Variants in CCDC150 observed in about 807,000 individuals in gnomAD.
CCDC150 encodes the protein coiled-coil domain containing 150.
Under a neutral mutation model 156.5 loss-of-function variants are expected in CCDC150, and 151 were observed. The observed-to-expected ratio is 0.97, with a 90% confidence interval of 0.85 to 1.10. The LOEUF (loss-of-function observed/expected upper bound fraction) is 1.10, where lower values mean the gene tolerates loss of function less well. CCDC150 is among the 50% of genes least tolerant of loss of function. The pLI, the probability that CCDC150 is intolerant of heterozygous loss-of-function variation, is 0.00. For synonymous variants in CCDC150, 452 were observed against 429.4 expected (o/e 1.05, Z -0.65); for missense variants, 1,312 against 1,268.1 (o/e 1.03, Z -0.53).
rs1171643110 is a variant in CCDC150 at position 196,721,615 on chromosome 2, C to T, written c.2353C>T (p.Leu785=). The change falls in exon 21 of 28, where the codon CTG becomes TTG. Residue 785 remains leucine, a synonymous_variant. Transcript: ENST00000389175. ...LEQALQTNNH[L]QTKLDHIQEQ... ...ACAAGCTCTCCAGACAAATAATCAT[C>T]TGCAAACAAAGCTAGATCACATTCA... is the stretch of plus-strand genomic sequence containing the variant. 6.2e-7 allele frequency: 1 copy of T among 1,607,150 alleles called. No individual in the cohort carries two copies. Among genetic ancestry groups the T allele is most frequent in the African/African-American group, 1.3e-5 (1 of 74,788 alleles).
intron 1 of CCDC150, 73 bp downstream of exon 1, chr2:196,639,851 T>A (rs1195208162): frequency 1.5e-6 from 2 of 1,327,144 alleles, no homozygotes; most frequent in African/African-American, 3.0e-5. Flanking sequence ...ATAAGGACAG[T>A]CACCACTCCC....
At chr2:196,709,921 T>C (rs1040013731) in intron 15 of CCDC150, among the ~76,000 whole-genome samples, 2 of 152,172 alleles carry the variant, frequency 1.3e-5, no homozygotes, top group African/African-American at 4.8e-5. Context: ...GAGGTGTCAG[T>C]TGGCCCCTAC....
chr2:196,692,292 G>A (rs1695535006), intron 13 of CCDC150, among the ~76,000 whole-genome samples: 2 of 150,516 alleles, frequency 1.3e-5, no homozygotes, highest in African/African-American at 2.4e-5. Flanking sequence ...CCGCCACCGC[G>A]CCCGGCTAAT....
At position 196,661,435 on chromosome 2, in the gene CCDC150, G is replaced by C. The variant is rs568924396; in HGVS notation, c.645+2575G>C. On this transcript the variant is annotated intron_variant, in intron 5 of 27. Coordinates refer to ENST00000389175, the MANE Select transcript of CCDC150 (RefSeq NM_001080539.2). Reference sequence around the variant, plus strand: ...TTTTATTTGTGTGTACCCATCCCTGGTGTCTCTGTGTGTCCAAATCTCTTC... The same window carrying C: ...TTTTATTTGTGTGTACCCATCCCTGCTGTCTCTGTGTGTCCAAATCTCTTC... Among the ~76,000 whole-genome samples the C allele has an allele frequency of 9.2e-5, 14 of 152,124 alleles. 1 individual carries two copies. The South Asian group carries it at 2.9e-3, about 32-fold the overall frequency.
At chr2:196,676,344 C>A in intron 11 of CCDC150, 77 bp downstream of exon 11, 1 of 1,527,930 alleles carries the variant, frequency 6.5e-7, no homozygotes, top group Non-Finnish European at 8.9e-7. Context: ...CCGTCTCAGT[C>A]TTATCGTCAA....
intron 14 of CCDC150, among the ~76,000 whole-genome samples, chr2:196,696,655 G>A (rs981283435): frequency 2.6e-5 from 4 of 152,170 alleles, no homozygotes; most frequent in Non-Finnish European, 4.4e-5. Context: ...ACCCAGAAGC[G>A]TCTCTGACCA....
chr2:196,676,443 T>A, intron 11 of CCDC150, 111 bp from the exon 12 acceptor site: 2 of 1,302,596 alleles, frequency 1.5e-6, no homozygotes, highest in Non-Finnish European at 2.1e-6. Context: ...TTAGAACATT[T>A]TGGTAACTAC....
At chr2:196,677,210 T>A (rs1298572619) in intron 12 of CCDC150, 83 bp from the exon 13 acceptor site, 2 of 863,204 alleles carry the variant, frequency 2.3e-6, no homozygotes. Context: ...TTAATTGACA[T>A]GCAGGATATG....
Position 196,712,529 on chromosome 2 carries a change from T to G in CCDC150, c.1804-148T>G. ...AACTTTATTAGAGAATAGAAAGTTA[T>G]GCTTTTCAGAAAAATAGATTGTATT... On this transcript the variant is annotated intron_variant, in intron 16 of 27. Coordinates refer to ENST00000389175, the MANE Select transcript of CCDC150 (RefSeq NM_001080539.2). 6.4e-6 allele frequency: 4 copies of G among 622,802 alleles called. No homozygotes were observed. The Admixed American group carries it at 8.9e-5, about 14-fold the overall frequency. 38.6% of individuals were successfully genotyped at this position (622,802 alleles called of 1,614,324 possible). A position where few individuals can be genotyped will look rare whatever the true frequency, so the allele number is the denominator to read the frequency against.
At chr2:196,708,120 A>T (rs1214250464) in intron 15 of CCDC150, among the ~76,000 whole-genome samples, 1 of 152,154 alleles carries the variant, frequency 6.6e-6, no homozygotes, top group African/African-American at 2.4e-5. Flanking sequence ...AAAGTCTCCC[A>T]CTATTATTGT....
intron 15 of CCDC150, among the ~76,000 whole-genome samples, chr2:196,708,282 A>T (rs997113580): frequency 2.6e-5 from 4 of 151,766 alleles, no homozygotes; most frequent in Non-Finnish European, 4.4e-5. Flanking sequence ...GTCTCTTTTG[A>T]TCTTTGTTGG....
At chr2:196,680,444 G>C (rs1230864940) in intron 13 of CCDC150, among the ~76,000 whole-genome samples, 1 of 152,066 alleles carries the variant, frequency 6.6e-6, no homozygotes, top group Non-Finnish European at 1.5e-5. Flanking sequence ...TGGGACTGCA[G>C]ATGCATGCCA....
chr2:196,685,803 C>G (rs1163385731), intron 13 of CCDC150, among the ~76,000 whole-genome samples: 2 of 151,840 alleles, frequency 1.3e-5, no homozygotes, highest in South Asian at 4.2e-4. Flanking sequence ...TTAGTAGAGA[C>G]GAGGTTTCAC....
At chr2:196,655,294 A>T (rs1234395594) in intron 2 of CCDC150, among the ~76,000 whole-genome samples, 1 of 152,162 alleles carries the variant, frequency 6.6e-6, no homozygotes, top group Non-Finnish European at 1.5e-5. Flanking sequence ...TCTGTGGTCT[A>T]GAGAGACTTG....
intron 9 of CCDC150, among the ~76,000 whole-genome samples, chr2:196,673,744 G>A (rs1694341803): frequency 6.6e-6 from 1 of 152,150 alleles, no homozygotes; most frequent in African/African-American, 2.4e-5. Context: ...TGATATATCT[G>A]TGTAGCTCAA....
At chr2:196,648,650 A>G (rs956912504) in intron 2 of CCDC150, among the ~76,000 whole-genome samples, 2 of 151,950 alleles carry the variant, frequency 1.3e-5, no homozygotes, top group East Asian at 1.9e-4. Context: ...ATGCATTTCT[A>G]TTTGTCTATT....
chr2:196,718,447 T>C (rs966310454), intron 17 of CCDC150, 56 bp from the exon 18 acceptor site: 2 of 1,424,274 alleles, frequency 1.4e-6, no homozygotes, highest in African/African-American at 1.4e-5. Flanking sequence ...AATTTCTATG[T>C]CTTATTCTAA....
intron 2 of CCDC150, among the ~76,000 whole-genome samples, chr2:196,655,073 C>T (rs1693109860): frequency 6.6e-6 from 1 of 152,236 alleles, no homozygotes; most frequent in Non-Finnish European, 1.5e-5. Flanking sequence ...CCAGTTCCTT[C>T]TATCCTCAGG....
intron 25 of CCDC150, 123 bp downstream of exon 25, chr2:196,730,241 A>G (rs1045449399): frequency 2.5e-6 from 2 of 788,032 alleles, no homozygotes; most frequent in African/African-American, 1.8e-5. Flanking sequence ...CAAATTGTTT[A>G]TCTTAGCTAA....
Sources: allele counts gnomAD v4.1 joint callset (sites outside exome capture counted in the v4.1 genomes callset), GRCh38; gene constraint gnomAD v4.1.1; transcripts MANE v1.5; gene names NCBI Gene and HGNC (gene_info 2026-07-23, HGNC 2026-07-21).